ALK: variants seen among roughly 807,000 people sequenced by gnomAD.
ALK encodes the protein ALK receptor tyrosine kinase.
ALK carries 74 observed loss-of-function variants against 163.1 expected under a neutral mutation model. That is an observed-to-expected ratio of 0.45 (90% CI 0.38 to 0.55). The LOEUF (loss-of-function observed/expected upper bound fraction) is 0.55, where lower values mean the gene tolerates loss of function less well. Among genes scored for constraint, ALK ranks in the 20% least tolerant of loss-of-function variants. The probability of loss-of-function intolerance (pLI) is 0.00; values close to 1 mark genes in which losing one functional copy is unlikely to be tolerated. For missense variants in ALK, 2,063 were observed against 2,105.3 expected (o/e 0.98, Z 0.39); for synonymous variants, 960 against 843.2 (o/e 1.14, Z -2.40).
At chr2:29,241,490 G>A (rs1664521270) in intron 12 of ALK, among the ~76,000 whole-genome samples, 1 of 151,990 alleles carries the variant, frequency 6.6e-6, no homozygotes, top group African/African-American at 2.4e-5. Context: ...GAGGGAGATG[G>A]GGGATTGCGA....
chr2:29,705,088 G>A (rs1678857211), intron 2 of ALK, among the ~76,000 whole-genome samples: 1 of 150,844 alleles, frequency 6.6e-6, no homozygotes, highest in South Asian at 2.1e-4. Flanking sequence ...CGTGGTGGCT[G>A]GTGCCTGTAA....
At chr2:29,464,493 G>T (rs1482327279) in intron 4 of ALK, among the ~76,000 whole-genome samples, 1 of 152,094 alleles carries the variant, frequency 6.6e-6, no homozygotes, top group East Asian at 1.9e-4. Flanking sequence ...AAAAGCAAGT[G>T]GTAGAACAGA....
intron 1 of ALK, among the ~76,000 whole-genome samples, chr2:29,785,890 TA>T (rs1664000079): frequency 6.7e-6 from 1 of 149,144 alleles, no homozygotes; most frequent in Non-Finnish European, 1.5e-5. Flanking sequence ...ATCATTTACA[TA>T]GGGGGAAATG....
At chr2:29,855,125 T>C (rs1666106636) in intron 1 of ALK, among the ~76,000 whole-genome samples, 1 of 152,220 alleles carries the variant, frequency 6.6e-6, no homozygotes, top group African/African-American at 2.4e-5. Context: ...GGCATGGACC[T>C]GGCATACAGA....
intron 5 of ALK, among the ~76,000 whole-genome samples, chr2:29,369,334 G>A (rs7602265): frequency 0.016 from 2,394 of 151,934 alleles, 57 homozygotes; most frequent in African/African-American, 0.054. Flanking sequence ...GTGTGTGTGT[G>A]TTGGTCTCCT....
At chr2:29,866,843 T>C (rs999791982) in intron 1 of ALK, among the ~76,000 whole-genome samples, 8 of 152,198 alleles carry the variant, frequency 5.3e-5, no homozygotes, top group Non-Finnish European at 8.8e-5. Context: ...ATCAGCCTTG[T>C]GGGCAAGGCT....
chr2:29,473,486 G>A (rs914342003), intron 4 of ALK, among the ~76,000 whole-genome samples: 1 of 152,164 alleles, frequency 6.6e-6, no homozygotes, highest in Non-Finnish European at 1.5e-5. Flanking sequence ...TATTCACAAT[G>A]TATACATCTT....
chr2:29,251,016 GCA>G lies in ALK; in HGVS notation c.2204+87_2204+88del. On this transcript the variant is annotated intron_variant, in intron 12 of 28. Coordinates refer to ENST00000389048, the MANE Select transcript of ALK (RefSeq NM_004304.5). The stretch of plus-strand genomic sequence containing the variant: ...TGCCTTTGAACCTTGACATGCCTGG[GCA>G]CCCCAGGAACATGCACCCATAGGCA... The G allele has an allele frequency of 2.2e-6, 3 of 1,392,328 alleles. No individual in the cohort carries two copies. The South Asian group carries it at 4.1e-5, about 19-fold the overall frequency. 86.2% of individuals were successfully genotyped at this position (1,392,328 alleles called of 1,614,324 possible). A position where few individuals can be genotyped will look rare whatever the true frequency, so the allele number is the denominator to read the frequency against.
rs1670268207 is a variant in ALK at position 29,431,363 on chromosome 2, T to C, written c.1155-47504A>G. Among the ~76,000 whole-genome samples the C allele has an allele frequency of 3.9e-5, 6 of 152,298 alleles. No homozygotes were observed. In the South Asian group the frequency reaches 1.2e-3, roughly 32 times the overall value. On this transcript the variant is annotated intron_variant, in intron 4 of 28. Transcript: ENST00000389048. ...GTGCAAGACAGAACATTCAGGCTAA[T>C]GGGTTAAGGAGGAGATGGGAATCAA...
intron 5 of ALK, among the ~76,000 whole-genome samples, chr2:29,337,284 G>A (rs534980669): frequency 9.2e-5 from 14 of 152,290 alleles, no homozygotes; most frequent in South Asian, 8.3e-4. Context: ...GTAAATCAGC[G>A]AGGAGCGGGT....
Position 29,387,289 on chromosome 2 carries a change from A to T in ALK, c.1155-3430T>A, listed in dbSNP as rs187938307. The stretch of plus-strand genomic sequence containing the variant: ...GGCACTTCTCTCCAAAAATGCCTGA[A>T]ATGTTGGATGTTTTCTGATCAATTG... On this transcript the variant is annotated intron_variant, in intron 4 of 28. Coordinates refer to ENST00000389048, the MANE Select transcript of ALK (RefSeq NM_004304.5). Among the ~76,000 whole-genome samples, 269 of 152,264 alleles carry T rather than the reference A, an allele frequency of 1.8e-3. 2 individuals carry two copies. The highest frequency in any genetic ancestry group is 5.9e-3 in the African/African-American group (247 of 41,522).
chr2:29,587,841 A>G (rs1360668728), intron 3 of ALK, among the ~76,000 whole-genome samples: 1 of 152,238 alleles, frequency 6.6e-6, no homozygotes, highest in East Asian at 1.9e-4. Flanking sequence ...AACATATAGA[A>G]ATATCAAAAT....
At chr2:29,222,210 G>A (rs1573122841) in intron 22 of ALK, 134 bp downstream of exon 22, 1 of 799,038 alleles carries the variant, frequency 1.3e-6, no homozygotes, top group Non-Finnish European at 2.2e-6. Context: ...ATGTTTGGGA[G>A]TCTCCTACTG....
chr2:29,587,400 C>T (rs773854048), intron 3 of ALK, among the ~76,000 whole-genome samples: 6 of 152,152 alleles, frequency 3.9e-5, no homozygotes, highest in Non-Finnish European at 7.3e-5. Context: ...AAGTATAAAG[C>T]TCAAGGTGAA....
At chr2:29,859,835 T>C (rs1485730208) in intron 1 of ALK, among the ~76,000 whole-genome samples, 1 of 152,182 alleles carries the variant, frequency 6.6e-6, no homozygotes, top group Non-Finnish European at 1.5e-5. Flanking sequence ...AGAGATGTGC[T>C]ATGAGGCTCG....
intron 1 of ALK, among the ~76,000 whole-genome samples, chr2:29,854,281 G>A (rs1208241044): frequency 6.6e-6 from 1 of 152,166 alleles, no homozygotes; most frequent in Non-Finnish European, 1.5e-5. Flanking sequence ...CAAATCTCAT[G>A]TTGAAATGTG....
At chr2:29,804,736 G>C (rs949982380) in intron 1 of ALK, among the ~76,000 whole-genome samples, 4 of 152,132 alleles carry the variant, frequency 2.6e-5, no homozygotes, top group African/African-American at 9.7e-5. Context: ...TTAGACCCAT[G>C]TTGGGGGCTA....
chr2:29,522,678 A>T (rs1189449129), intron 4 of ALK, among the ~76,000 whole-genome samples: 1 of 152,046 alleles, frequency 6.6e-6, no homozygotes, highest in Non-Finnish European at 1.5e-5. Flanking sequence ...GGGTTTTTGT[A>T]GTGGAAAAGG....
chr2:29,799,939 T>C (rs1664422044), intron 1 of ALK, among the ~76,000 whole-genome samples: 2 of 152,222 alleles, frequency 1.3e-5, no homozygotes, highest in Admixed American at 1.3e-4. Flanking sequence ...TCAGCACACC[T>C]GTGTTCAGAA....
Sources: gnomAD v4.1 joint callset for allele counts (sites outside exome capture counted in the v4.1 genomes callset) on GRCh38, gnomAD v4.1.1 for gene constraint, MANE v1.5 for transcripts, NCBI Gene and HGNC (gene_info 2026-07-23, HGNC 2026-07-21) for gene names.